The following STMN3 variants were observed in gnomAD, a reference collection of about 807,000 sequenced individuals.
The protein encoded by STMN3 is stathmin 3.
In STMN3, 24 loss-of-function variants were observed where a neutral mutation model predicts 23.2. The ratio of observed to expected loss-of-function variants is 1.03; its 90% CI spans 0.75 to 1.45. The LOEUF (loss-of-function observed/expected upper bound fraction) is 1.45. Ranked by LOEUF, STMN3 falls within the 40% of genes most tolerant of loss-of-function variation. STMN3 has a pLI of 0.00. For synonymous variants in STMN3, 117 were observed against 103.4 expected (o/e 1.13, Z -0.80); for missense variants, 235 against 237.6 (o/e 0.99, Z 0.07).
At position 63,647,948 on chromosome 20, in the gene STMN3, GTATA is replaced by G. The variant is rs761022872; in HGVS notation, c.20-3643_20-3640del. On this transcript the variant is annotated intron_variant, in intron 1 of 4. Coordinates refer to ENST00000370053, the MANE Select transcript of STMN3 (RefSeq NM_015894.4). The stretch of plus-strand genomic sequence containing the variant: ...TATATACGTATATATGTGTGTGTGT[GTATA>G]TATATATGTATATATATATATATAT... Among the ~76,000 whole-genome samples the G allele has an allele frequency of 2.5e-3, 157 of 63,828 alleles. 7 individuals are homozygous for G. Among genetic ancestry groups the G allele is most frequent in the African/African-American group, 6.5e-3 (110 of 16,954 alleles). 41.9% of individuals were successfully genotyped at this position (63,828 alleles called of 152,430 possible).
Position 63,652,441 on chromosome 20 carries a change from G to T in STMN3, c.19+886C>A. The T allele has an allele frequency of 2.3e-6, 1 of 436,476 alleles. No individual in the cohort carries two copies. Among genetic ancestry groups the T allele is most frequent in the Non-Finnish European group, 3.1e-6 (1 of 327,722 alleles). 27.0% of individuals were successfully genotyped at this position (436,476 alleles called of 1,614,324 possible). ...GAGCAGAGCGTTTCGGGAAGGGCGG[G>T]CCCAGCGTCCTCGCGCCCGAGGTCG... On this transcript the variant is annotated intron_variant, in intron 1 of 4. Coordinates refer to ENST00000370053, the MANE Select transcript of STMN3 (RefSeq NM_015894.4). The surrounding 1 kb of genome is among the most constrained non-coding windows in gnomAD (Gnocchi z 5.3).
chr20:63,652,859 G>C lies in STMN3; in HGVS notation c.19+468C>G. Reference sequence around the variant, plus strand: ...CCCCTCCAGCCCCTGTGCTGCACTGGCGCGGGGAGCGCCGGGTTCCCGGCT... The same window carrying C: ...CCCCTCCAGCCCCTGTGCTGCACTGCCGCGGGGAGCGCCGGGTTCCCGGCT... On this transcript the variant is annotated intron_variant, in intron 1 of 4. Coordinates refer to ENST00000370053, the MANE Select transcript of STMN3 (RefSeq NM_015894.4). The surrounding 1 kb of genome is among the most constrained non-coding windows in gnomAD (Gnocchi z 5.3). The C allele has an allele frequency of 1.1e-6, 1 of 915,190 alleles. No individual in the cohort carries two copies. The highest frequency in any genetic ancestry group is 1.3e-6 in the Non-Finnish European group (1 of 765,914). The allele number at this position is 915,190 out of a possible 1,614,324, so 56.7% of individuals were successfully genotyped here. A position where few individuals can be genotyped will look rare whatever the true frequency, so the allele number is the denominator to read the frequency against.
In STMN3 at chr20:63,647,981, C is replaced by CATAT. The variant is rs1233387390; in HGVS notation, c.20-3676_20-3673dup. ...ATATGTATATATATATATATATATACATATATATATACAGAGAGAGAGAGA... is the reference window on the plus strand; with the variant it reads ...ATATGTATATATATATATATATATACATATATATATATATACAGAGAGAGAGAGA... On this transcript the variant is annotated intron_variant, in intron 1 of 4. Coordinates refer to ENST00000370053, the MANE Select transcript of STMN3 (RefSeq NM_015894.4). Among the ~76,000 whole-genome samples, 57 of 68,742 alleles carry CATAT rather than the reference C, an allele frequency of 8.3e-4. 6 individuals are homozygous for CATAT. Among genetic ancestry groups the CATAT allele is most frequent in the Middle Eastern group, 0.021 (2 of 94 alleles). 45.1% of individuals were successfully genotyped at this position (68,742 alleles called of 152,430 possible).
chr20:63,650,714 G>A (rs1392123070), intron 1 of STMN3, among the ~76,000 whole-genome samples: 1 of 2,816 alleles, frequency 3.6e-4, no homozygotes, highest in Non-Finnish European at 5.9e-4. Context: ...CACCCCTCCC[G>A]CCCGCCCGGG....
chr20:63,653,227 G>T (rs1051818178), intron 1 of STMN3, 100 bp downstream of exon 1: 295 of 1,449,522 alleles, frequency 2.0e-4, no homozygotes, highest in Non-Finnish European at 2.5e-4. Context: ...GTAGGAGAAG[G>T]GAAATTGGCG....
At chr20:63,645,218 C>G (rs1265701248) in intron 1 of STMN3, among the ~76,000 whole-genome samples, 5 of 152,204 alleles carry the variant, frequency 3.3e-5, no homozygotes, top group Non-Finnish European at 7.3e-5. Context: ...CATGACGGGA[C>G]CAGCACAGAT....
At position 63,647,882 on chromosome 20, in the gene STMN3, T is replaced by G. The variant is rs924660923; in HGVS notation, c.20-3573A>C. On this transcript the variant is annotated intron_variant, in intron 1 of 4. Coordinates refer to ENST00000370053, the MANE Select transcript of STMN3 (RefSeq NM_015894.4). Reference sequence around the variant, plus strand: ...TACGTATATATACACGTGTATATATTAATATATATACGTATATATACACGT... The same window carrying G: ...TACGTATATATACACGTGTATATATGAATATATATACGTATATATACACGT... 6.2e-4 allele frequency among the ~76,000 whole-genome samples: 73 copies of G among 116,864 alleles called. 2 individuals carry two copies. Among genetic ancestry groups the G allele is most frequent in the Non-Finnish European group, 1.2e-3 (64 of 52,450 alleles). The allele number at this position is 116,864 out of a possible 152,430, so 76.7% of individuals were successfully genotyped here. A position where few individuals can be genotyped will look rare whatever the true frequency, so the allele number is the denominator to read the frequency against.
rs1469002905 is a variant in STMN3, at chr20:63,652,917, G to A, written c.19+410C>T. Among the ~76,000 whole-genome samples the A allele has an allele frequency of 1.3e-5, 2 of 151,776 alleles. No individual in the cohort carries two copies. The highest frequency in any genetic ancestry group is 2.4e-5 in the African/African-American group (1 of 41,298). On this transcript the variant is annotated intron_variant, in intron 1 of 4. Coordinates refer to ENST00000370053, the MANE Select transcript of STMN3 (RefSeq NM_015894.4). The surrounding 1 kb of genome is among the most constrained non-coding windows in gnomAD (Gnocchi z 5.3). ...TGGCAGAGGGTCCCACCCTCTCCCC[G>A]CCTCCCCACGAAGGCTCTGGCGGAC...
In STMN3 at chr20:63,642,220, T is replaced by C; in HGVS notation, c.371A>G (p.Glu124Gly). The C allele has an allele frequency of 6.4e-7, 1 of 1,564,160 alleles. No homozygotes were observed. Reference sequence around the variant, plus strand: ...CGCCTGGCGGCTGAAGTTGTTATTCTCCTCCAGCGCCTTGTGCAGCACCTC... The same window carrying C: ...CGCCTGGCGGCTGAAGTTGTTATTCCCCTCCAGCGCCTTGTGCAGCACCTC... Reference protein sequence around the residue: ...EREVLHKALEENNNFSRQAEE... With the variant: ...EREVLHKALEGNNNFSRQAEE... The change falls in exon 4 of 5, where the codon GAG (glutamate) becomes GGG (glycine). Residue 124 changes from glutamate to glycine, a missense_variant. By Grantham distance (98) the Glu-to-Gly change is moderately conservative. Transcript: ENST00000370053.
chr20:63,649,607 G>A lies in STMN3; in HGVS notation c.19+3720C>T, dbSNP rs188529981. 6.7e-5 allele frequency among the ~76,000 whole-genome samples: 10 copies of A among 148,602 alleles called. No individual in the cohort carries two copies. The East Asian group carries it at 2.0e-3, about 30-fold the overall frequency. On this transcript the variant is annotated intron_variant, in intron 1 of 4. Coordinates refer to ENST00000370053, the MANE Select transcript of STMN3 (RefSeq NM_015894.4). Reference sequence around the variant, plus strand: ...GTGCAGTGGTACAATCTCGGCTCACGGCAAGCTCCGCCTCCCGGATTCACG... The same window carrying A: ...GTGCAGTGGTACAATCTCGGCTCACAGCAAGCTCCGCCTCCCGGATTCACG...
At chr20:63,651,730 A>G (rs895891885) in intron 1 of STMN3, among the ~76,000 whole-genome samples, 1 of 152,208 alleles carries the variant, frequency 6.6e-6, no homozygotes, top group Non-Finnish European at 1.5e-5. Flanking sequence ...CTACCCAGAT[A>G]AGGAGACCCA....
chr20:63,644,194 G>A lies in STMN3; in HGVS notation c.115+20C>T, dbSNP rs1267039737. 1 of 1,606,122 alleles carries A rather than the reference G, an allele frequency of 6.2e-7. No homozygotes were observed. Among genetic ancestry groups the A allele is most frequent in the Non-Finnish European group, 8.5e-7 (1 of 1,173,916 alleles). ...TGGGCAGGCACCGCAGGGAAGGGCAGGCGGCAGCCAGGCACTCACCCCCGT... is the reference window on the plus strand; with the variant it reads ...TGGGCAGGCACCGCAGGGAAGGGCAAGCGGCAGCCAGGCACTCACCCCCGT... On this transcript the variant is annotated intron_variant, in intron 2 of 4. Coordinates refer to ENST00000370053, the MANE Select transcript of STMN3 (RefSeq NM_015894.4).
chr20:63,653,258 C>T, intron 1 of STMN3, 69 bp downstream of exon 1: 1 of 1,518,240 alleles, frequency 6.6e-7, no homozygotes, highest in African/African-American at 1.4e-5. Context: ...GCCGCTGCCC[C>T]AGGCGAGGCC....
chr20:63,642,135 G>T lies in STMN3; in HGVS notation c.456C>A (p.Ala152=), dbSNP rs776977768. 3.4e-5 allele frequency: 47 copies of T among 1,381,348 alleles called. No individual in the cohort carries two copies. The highest frequency in any genetic ancestry group is 3.8e-5 in the Non-Finnish European group (40 of 1,050,524). 85.6% of individuals were successfully genotyped at this position (1,381,348 alleles called of 1,614,324 possible). Reference sequence around the variant, plus strand: ...TCTCGCGCAGCCGCTCGCGCAGTGCGGCCAGGTGTGCCTCGCGGATCTCCT... The same window carrying T: ...TCTCGCGCAGCCGCTCGCGCAGTGCTGCCAGGTGTGCCTCGCGGATCTCCT... ...LSKEIREAHL[A]ALRERLREKE... Residue 152 remains alanine (A), a synonymous_variant, in exon 4 of 5, where the codon GCC becomes GCA. Coordinates refer to ENST00000370053, the MANE Select transcript of STMN3 (RefSeq NM_015894.4).
rs2089757295 is a variant in STMN3, at chr20:63,641,092, C to G, written c.*246G>C. On this transcript the variant is annotated 3_prime_UTR_variant, in exon 5 of 5. Transcript: ENST00000370053. ...CTCACAGGGCCCCCGGGGGACCCAG[C>G]CGCGCCCGGCCTGGTGTCTGCACCG... is the stretch of plus-strand genomic sequence containing the variant. 2 of 575,792 alleles carry G rather than the reference C, an allele frequency of 3.5e-6. No homozygotes were observed. Among genetic ancestry groups the G allele is most frequent in the South Asian group, 1.9e-5 (1 of 52,420 alleles). The allele number at this position is 575,792 out of a possible 1,614,324, so 35.7% of individuals were successfully genotyped here. A position where few individuals can be genotyped will look rare whatever the true frequency, so the allele number is the denominator to read the frequency against.
At position 63,644,301 on chromosome 20, in the gene STMN3, C is replaced by T; in HGVS notation, c.28G>A (p.Glu10Lys). 6.2e-7 allele frequency: 1 copy of T among 1,612,348 alleles called. No individual in the cohort carries two copies. Among genetic ancestry groups the T allele is most frequent in the South Asian group, 1.1e-5 (1 of 90,788 alleles). ...AGCACCGACAGCTCCTTCATCTTCT[C>T]CTTGTAGGCTGTGGGCACAAGGCTG... Reference protein sequence around the residue: MASTISAYKEKMKELSVLSL... With the variant: MASTISAYKKKMKELSVLSL... The change falls in exon 2 of 5, where the codon GAG (glutamate) becomes AAG (lysine). Residue 10 changes from glutamate to lysine, a missense_variant. Coordinates refer to ENST00000370053, the MANE Select transcript of STMN3 (RefSeq NM_015894.4).
rs2089755801 is a variant in STMN3, at chr20:63,640,946, T to C, written c.*392A>G. On this transcript the variant is annotated 3_prime_UTR_variant, in exon 5 of 5. Coordinates refer to ENST00000370053, the MANE Select transcript of STMN3 (RefSeq NM_015894.4). ...CAGCAGGTACTGTAGCCTCGCCTGC[T>C]GGCCAGGGGCGCCGGCTCAGAGGAC... is the stretch of plus-strand genomic sequence containing the variant. 3 of 331,558 alleles carry C rather than the reference T, an allele frequency of 9.0e-6. No homozygotes were observed. The highest frequency in any genetic ancestry group is 1.2e-5 in the Non-Finnish European group (2 of 172,800). The allele number at this position is 331,558 out of a possible 1,614,324, so 20.5% of individuals were successfully genotyped here.
chr20:63,643,530 C>T, intron 3 of STMN3: 1 of 633,762 alleles, frequency 1.6e-6, no homozygotes, highest in Non-Finnish European at 2.0e-6. Flanking sequence ...ATCTGCCTGC[C>T]TCAGCTTCCC....
intron 4 of STMN3, among the ~76,000 whole-genome samples, chr20:63,641,776 A>ACC (rs1260314276): frequency 1.4e-5 from 2 of 138,396 alleles, no homozygotes; most frequent in Non-Finnish European, 3.1e-5. Context: ...GGAGCCCCCG[A>ACC]CCCCCACCCC....
Sources: gnomAD v4.1 joint callset for allele counts (sites outside exome capture counted in the v4.1 genomes callset) on GRCh38, gnomAD v4.1.1 for gene constraint, Gnocchi (gnomAD v3.1) non-coding constraint, MANE v1.5 for transcripts, NCBI Gene and HGNC (gene_info 2026-07-23, HGNC 2026-07-21) for gene names.